Variants in GABRG2 observed in about 807,000 individuals in gnomAD.
GABRG2 encodes the protein gamma-aminobutyric acid type A receptor subunit gamma2, also known as gamma-aminobutyric acid receptor subunit gamma-2.
A neutral mutation model predicts 56.4 loss-of-function variants in GABRG2; 16 were observed. The observed-to-expected ratio is 0.28, with a 90% CI of 0.19 to 0.43. The LOEUF is 0.43. GABRG2 is among the 20% of genes least tolerant of loss of function. The probability of loss-of-function intolerance (pLI) is 1.00; values close to 1 mark genes in which losing one functional copy is unlikely to be tolerated. For synonymous variants in GABRG2, 208 were observed against 205.5 expected (o/e 1.01, Z -0.10); for missense variants, 327 against 582.7 (o/e 0.56, Z 4.52).
At chr5:162,094,124 A>T (rs1290076762) in intron 2 of GABRG2, 145 bp downstream of exon 2, 2 of 835,824 alleles carry the variant, frequency 2.4e-6, no homozygotes, top group Non-Finnish European at 3.9e-6. Flanking sequence ...TTTAAATAGC[A>T]TTCAGGCCTA....
intron 1 of GABRG2, among the ~76,000 whole-genome samples, chr5:162,070,713 T>A (rs1758605967): frequency 6.6e-6 from 1 of 152,004 alleles, no homozygotes; most frequent in Non-Finnish European, 1.5e-5. Context: ...AGTTAATTTC[T>A]GAAACCCAAA....
intron 6 of GABRG2, among the ~76,000 whole-genome samples, chr5:162,140,352 A>G (rs1432182732): frequency 2.0e-5 from 3 of 152,138 alleles, no homozygotes; most frequent in Non-Finnish European, 4.4e-5. Context: ...TCAAAACCCC[A>G]CTTAGGAAAT....
At chr5:162,142,123 T>C (rs1036453942) in intron 6 of GABRG2, 41 bp from the exon 7 acceptor site, 1 of 1,604,554 alleles carries the variant, frequency 6.2e-7, no homozygotes, top group African/African-American at 1.3e-5. Flanking sequence ...TTTCCAGTGA[T>C]TGATAAAGGG....
At chr5:162,134,345 C>T (rs1345244298) in intron 6 of GABRG2, among the ~76,000 whole-genome samples, 2 of 152,052 alleles carry the variant, frequency 1.3e-5, no homozygotes, top group Admixed American at 6.6e-5. Flanking sequence ...TAGTAAGTTT[C>T]TCCTATGTTT....
chr5:162,113,501 C>T (rs947613865), intron 6 of GABRG2, among the ~76,000 whole-genome samples: 9 of 152,164 alleles, frequency 5.9e-5, no homozygotes, highest in African/African-American at 1.9e-4. Context: ...ATAAGCACTT[C>T]ACTAGCAGCT....
Position 162,103,908 on chromosome 5 carries a change from A to G in GABRG2, c.651A>G (p.Glu217=). 1.2e-6 allele frequency: 2 copies of G among 1,613,990 alleles called. No individual in the cohort carries two copies. Among genetic ancestry groups the G allele is most frequent in the Non-Finnish European group, 1.7e-6 (2 of 1,179,940 alleles). ...EFSSYGYPRE[E]IVYQWKRSSV... ...CGGCAGATGGCTATCCACGTGAAGA[A>G]ATTGTTTATCAATGGAAGCGAAGTT... The change falls in exon 6 of 10, where the codon GAA becomes GAG. Residue 217 remains glutamate, a synonymous_variant. Transcript: ENST00000639213.
At chr5:162,106,040 T>C (rs1189011294) in intron 6 of GABRG2, among the ~76,000 whole-genome samples, 1 of 152,090 alleles carries the variant, frequency 6.6e-6, no homozygotes, top group East Asian at 1.9e-4. Context: ...ACAGAAGGGT[T>C]GATTTTACAT....
intron 6 of GABRG2, among the ~76,000 whole-genome samples, chr5:162,119,951 C>A (rs1762874384): frequency 6.6e-6 from 1 of 152,018 alleles, no homozygotes; most frequent in Non-Finnish European, 1.5e-5. Flanking sequence ...CTACTTCCAC[C>A]CACTCCTCTT....
intron 6 of GABRG2, among the ~76,000 whole-genome samples, chr5:162,141,171 G>A (rs1356977263): frequency 6.6e-6 from 1 of 151,930 alleles, no homozygotes; most frequent in Non-Finnish European, 1.5e-5. Context: ...CGAGTAGCTG[G>A]GACTACAGGC....
chr5:162,119,112 A>T (rs1011746618), intron 6 of GABRG2, among the ~76,000 whole-genome samples: 3 of 152,116 alleles, frequency 2.0e-5, no homozygotes, highest in African/African-American at 7.2e-5. Context: ...GATGAAAGAC[A>T]ATTTGAAATT....
chr5:162,081,255 A>C (rs1759641957), intron 1 of GABRG2, among the ~76,000 whole-genome samples: 1 of 152,094 alleles, frequency 6.6e-6, no homozygotes, highest in Admixed American at 6.6e-5. Context: ...ATACTTTATT[A>C]TTAGGAAATT....
At position 162,152,322 on chromosome 5, in the gene GABRG2, G is replaced by A. The variant is rs941842200; in HGVS notation, c.1152+569G>A. The A allele has an allele frequency of 8.2e-5, 24 of 291,526 alleles. No homozygotes were observed. In the Admixed American group the frequency reaches 8.6e-4, roughly 10 times the overall value. 18.1% of individuals were successfully genotyped at this position (291,526 alleles called of 1,614,324 possible). A position where few individuals can be genotyped will look rare whatever the true frequency, so the allele number is the denominator to read the frequency against. Reference sequence around the variant, plus strand: ...ATGAGATTTCTATTCAAATATAATAGCTGATTCTGAGACGTTAGAATTTCT... The same window carrying A: ...ATGAGATTTCTATTCAAATATAATAACTGATTCTGAGACGTTAGAATTTCT... On this transcript the variant is annotated intron_variant, in intron 9 of 9. Transcript: ENST00000639213.
At chr5:162,109,000 T>G (rs979113772) in intron 6 of GABRG2, among the ~76,000 whole-genome samples, 1 of 152,144 alleles carries the variant, frequency 6.6e-6, no homozygotes, top group Non-Finnish European at 1.5e-5. Flanking sequence ...TTATATTTCT[T>G]TGGGTATATA....
At chr5:162,068,428 A>G (rs186501196) in intron 1 of GABRG2, among the ~76,000 whole-genome samples, 2 of 151,960 alleles carry the variant, frequency 1.3e-5, no homozygotes, top group Non-Finnish European at 2.9e-5. Context: ...CTGTGCTGAT[A>G]CACGCCGGCA....
chr5:162,073,169 G>C (rs1758810139), intron 1 of GABRG2, among the ~76,000 whole-genome samples: 1 of 151,810 alleles, frequency 6.6e-6, no homozygotes, highest in Non-Finnish European at 1.5e-5. Context: ...CATGGTTTAA[G>C]ATACTCAGTC....
At position 162,107,711 on chromosome 5, in the gene GABRG2, C is replaced by G. The variant is rs192179961; in HGVS notation, c.769+3685C>G. Among the ~76,000 whole-genome samples, 877 of 152,278 alleles carry G rather than the reference C, an allele frequency of 5.8e-3. 13 individuals are homozygous for G. The highest frequency in any genetic ancestry group is 0.02 in the African/African-American group (837 of 41,572). On this transcript the variant is annotated intron_variant, in intron 6 of 9. Transcript: ENST00000639213. The stretch of plus-strand genomic sequence containing the variant: ...TGATTTCTTCTTCAAACTATAATTC[C>G]TTCCTGATTGTTCTATATCTGGTAG...
intron 1 of GABRG2, among the ~76,000 whole-genome samples, chr5:162,090,217 G>C (rs1202155177): frequency 6.6e-6 from 1 of 151,810 alleles, no homozygotes; most frequent in Non-Finnish European, 1.5e-5. Context: ...AGGAACGTGA[G>C]AATTTTTATT....
At chr5:162,094,565 G>T (rs542019169) in intron 2 of GABRG2, 2 of 156,552 alleles carry the variant, frequency 1.3e-5, no homozygotes, top group South Asian at 1.9e-4. Flanking sequence ...AGCTCATGAG[G>T]CTGAATGCTT....
In GABRG2 at chr5:162,102,480, C is replaced by T. The variant is rs186647413; in HGVS notation, c.631+1163C>T. 5.8e-4 allele frequency: 263 copies of T among 453,898 alleles called. 2 individuals are homozygous for T. Among genetic ancestry groups the T allele is most frequent in the Non-Finnish European group, 1.3e-4 (30 of 226,846 alleles). 28.1% of individuals were successfully genotyped at this position (453,898 alleles called of 1,614,324 possible). A position where few individuals can be genotyped will look rare whatever the true frequency, so the allele number is the denominator to read the frequency against. ...CATTGCTATCAGAATAATTCAGTCA[C>T]CAGCACATTCTCTGCCTCATATCAT... On this transcript the variant is annotated intron_variant, in intron 5 of 9. Coordinates refer to ENST00000639213, the MANE Select transcript of GABRG2 (RefSeq NM_198904.4).
Sources: gnomAD v4.1 joint callset for allele counts (sites outside exome capture counted in the v4.1 genomes callset) on GRCh38, gnomAD v4.1.1 for gene constraint, MANE v1.5 for transcripts, NCBI Gene and HGNC (gene_info 2026-07-23, HGNC 2026-07-21) for gene names.